The following RNF123 variants were observed in gnomAD, a reference collection of about 807,000 sequenced individuals.
RNF123 encodes the protein E3 ubiquitin-protein ligase RNF123.
In RNF123, 86 loss-of-function variants were observed where a neutral mutation model predicts 168.5. The observed-to-expected ratio is 0.51, with a 90% CI of 0.43 to 0.61. RNF123 has a LOEUF of 0.61. Ranked by LOEUF, RNF123 falls within the 20% of genes least tolerant of loss-of-function variation. RNF123 has a pLI of 0.00. For missense variants in RNF123, 1,419 were observed against 1,729.7 expected, an observed-to-expected ratio of 0.82 and a Z score of 3.19; for synonymous variants, 666 against 689.1, an observed-to-expected ratio of 0.97 and a Z score of 0.52.
Position 49,702,141 on chromosome 3 carries a change from TG to T in RNF123, c.1557+1del. ...KLLLDNKDDN[G>X]GEASRYIFLT... is the part of the protein sequence containing the mutation. Reference sequence around the variant, plus strand: ...TGCTGCTGGACAATAAAGATGACAATGGGGTGAGTGACTCCCAGGAGCCCTG... The same window carrying T: ...TGCTGCTGGACAATAAAGATGACAATGGGTGAGTGACTCCCAGGAGCCCTG... On this transcript the variant is annotated frameshift_variant and splice_region_variant, in exon 18 of 39. Transcript: ENST00000327697. LOFTEE classifies it high-confidence loss of function. 6.2e-7 allele frequency: 1 copy of T among 1,613,770 alleles called. No homozygotes were observed. Among genetic ancestry groups the T allele is most frequent in the Non-Finnish European group, 8.5e-7 (1 of 1,179,848 alleles).
Position 49,705,192 on chromosome 3 carries a change from T to TGGTGGG in RNF123, c.2158+12_2158+17dup, listed in dbSNP as rs1447385760. The TGGTGGG allele has an allele frequency of 1.9e-6, 3 of 1,593,368 alleles. No homozygotes were observed. The African/African-American group carries it at 4.0e-5, about 21-fold the overall frequency. On this transcript the variant is annotated intron_variant, in intron 23 of 38. Transcript: ENST00000327697. ...AGGACCCGTGAGGACAGTAGGTGCT[T>TGGTGGG]GGTGGGGTCAGGCAGGTCCCCGAAG...
At chr3:49,704,039 A>T (rs1168248672) in intron 21 of RNF123, among the ~76,000 whole-genome samples, 2 of 151,952 alleles carry the variant, frequency 1.3e-5, no homozygotes, top group African/African-American at 4.8e-5. Flanking sequence ...AGTCAGGATG[A>T]CCCCAGGCTT....
chr3:49,701,785 G>A (rs1169648872), intron 16 of RNF123, 26 bp from the exon 17 acceptor site: 3 of 1,556,980 alleles, frequency 1.9e-6, no homozygotes, highest in Non-Finnish European at 2.6e-6. Context: ...TGACCCTGCT[G>A]TATTCCACCT....
At chr3:49,715,271 G>C (rs1016163726) in intron 31 of RNF123, among the ~76,000 whole-genome samples, 4 of 152,236 alleles carry the variant, frequency 2.6e-5, no homozygotes, top group African/African-American at 9.6e-5. Context: ...AAGGGTGTGC[G>C]ACCCAGAACT....
At chr3:49,700,118 T>C in intron 12 of RNF123, 109 bp from the exon 13 acceptor site, 1 of 1,493,928 alleles carries the variant, frequency 6.7e-7, no homozygotes, top group East Asian at 2.3e-5. Flanking sequence ...GTTGCTCGAG[T>C]GGCTCAAGGC....
At position 49,699,464 on chromosome 3, in the gene RNF123, G is replaced by T. The variant is rs1403257239; in HGVS notation, c.765-4G>T. 6.3e-7 allele frequency: 1 copy of T among 1,593,324 alleles called. No individual in the cohort carries two copies. On this transcript the variant is annotated splice_polypyrimidine_tract_variant and splice_region_variant and intron_variant, in intron 10 of 38. Transcript: ENST00000327697. The surrounding 1 kb of genome is among the most constrained non-coding windows in gnomAD (Gnocchi z 4.8). The stretch of plus-strand genomic sequence containing the variant: ...ATAAGGCGTTGCTGGCTTAACTCTG[G>T]CACCTACCCAGTGGCAGGCTACCGG...
At chr3:49,700,794 C>A in intron 15 of RNF123, 85 bp downstream of exon 15, 1 of 1,433,664 alleles carries the variant, frequency 7.0e-7, no homozygotes, top group Non-Finnish European at 9.8e-7. Context: ...GTCATCAGGC[C>A]AGGGGTCCCC....
intron 3 of RNF123, among the ~76,000 whole-genome samples, chr3:49,696,432 T>C (rs1357087762): frequency 2.0e-5 from 3 of 149,530 alleles, no homozygotes; most frequent in Non-Finnish European, 4.4e-5. Context: ...CACTGCAACC[T>C]CCGCCTCCCA....
chr3:49,697,944 G>A lies in RNF123; in HGVS notation c.397+5G>A. 6.2e-7 allele frequency: 1 copy of A among 1,614,192 alleles called. No homozygotes were observed. The highest frequency in any genetic ancestry group is 8.5e-7 in the Non-Finnish European group (1 of 1,180,032). On this transcript the variant is annotated splice_donor_5th_base_variant and intron_variant, in intron 6 of 38. Coordinates refer to ENST00000327697, the MANE Select transcript of RNF123 (RefSeq NM_022064.5). ...CTACCACATGCGTGTACAAAGGTGA[G>A]ACCTTACCCTGCTGTGGCCTAGGTA...
At position 49,697,946 on chromosome 3, in the gene RNF123, C is replaced by A. The variant is rs1223951229; in HGVS notation, c.397+7C>A. The A allele has an allele frequency of 1.2e-6, 2 of 1,614,072 alleles. No individual in the cohort carries two copies. The highest frequency in any genetic ancestry group is 1.7e-6 in the Non-Finnish European group (2 of 1,180,034). ...ACCACATGCGTGTACAAAGGTGAGA[C>A]CTTACCCTGCTGTGGCCTAGGTAGT... is the stretch of plus-strand genomic sequence containing the variant. On this transcript the variant is annotated splice_region_variant and intron_variant, in intron 6 of 38. Transcript: ENST00000327697.
rs775291019 is a variant in RNF123, at chr3:49,705,178, G to A, written c.2154G>A (p.Glu718=). ...TGAGCGTGGAGCAGAGGACCCGTGA[G>A]GACAGTAGGTGCTTGGTGGGGTCAG... ...RTLSVEQRTR[E]DIEGSHWNEG... is the part of the protein sequence containing the mutation. Residue 718 remains glutamate (E), a synonymous_variant, in exon 23 of 39, where the codon GAG becomes GAA. Transcript: ENST00000327697. The A allele has an allele frequency of 6.2e-7, 1 of 1,600,752 alleles. No homozygotes were observed. Among genetic ancestry groups the A allele is most frequent in the East Asian group, 2.3e-5 (1 of 44,164 alleles).
intron 26 of RNF123, among the ~76,000 whole-genome samples, chr3:49,709,373 T>C (rs1177104526): frequency 6.6e-6 from 1 of 150,570 alleles, no homozygotes; most frequent in Non-Finnish European, 1.5e-5. Context: ...CTATCTCAGC[T>C]CACTGCAAGC....
chr3:49,709,810 T>C (rs2080107332), intron 26 of RNF123, among the ~76,000 whole-genome samples: 1 of 151,950 alleles, frequency 6.6e-6, no homozygotes, highest in South Asian at 2.1e-4. Flanking sequence ...TGACCTCAGG[T>C]GATCCGCCTG....
chr3:49,718,515 C>T lies in RNF123; in HGVS notation c.3501-1996C>T, dbSNP rs138809316. The T allele has an allele frequency of 6.2e-6, 10 of 1,613,154 alleles. No individual in the cohort carries two copies. In the East Asian group the frequency reaches 8.9e-5, roughly 14 times the overall value. On this transcript the variant is annotated intron_variant, in intron 35 of 38. Transcript: ENST00000327697. ...CGCGGGATCCTGGCGCCCTGAGAAGCTCCTGCTGCGGCGAAACCCAGGCAA... is the reference window on the plus strand; with the variant it reads ...CGCGGGATCCTGGCGCCCTGAGAAGTTCCTGCTGCGGCGAAACCCAGGCAA...
rs375257714 is a variant in RNF123 at position 49,702,390 on chromosome 3, C to T, written c.1614C>T (p.Asn538=). Residue 538 remains asparagine (N), a synonymous_variant, in exon 19 of 39, where the codon AAC becomes AAT. Coordinates refer to ENST00000327697, the MANE Select transcript of RNF123 (RefSeq NM_022064.5). ...LTKFRKFLQE[N]ASGRGNMPML... The stretch of plus-strand genomic sequence containing the variant: ...AGTTTCGCAAGTTTCTGCAGGAGAA[C>T]GCCAGTGGCCGGGGGGTAGGTGTCC... 3.3e-5 allele frequency: 53 copies of T among 1,614,158 alleles called. No individual in the cohort carries two copies. The African/African-American group carries it at 3.7e-4, about 11-fold the overall frequency.
In RNF123 at chr3:49,699,389, CG is replaced by C. The variant is rs2054330186; in HGVS notation, c.765-75del. 3.8e-6 allele frequency: 5 copies of C among 1,300,198 alleles called. No homozygotes were observed. The highest frequency in any genetic ancestry group is 5.4e-6 in the Non-Finnish European group (5 of 927,204). The allele number at this position is 1,300,198 out of a possible 1,614,324, so 80.5% of individuals were successfully genotyped here. On this transcript the variant is annotated intron_variant, in intron 10 of 38. Transcript: ENST00000327697. This position sits in a 1 kb window ranked among gnomAD's most constrained non-coding sequence, Gnocchi z 4.8. The stretch of plus-strand genomic sequence containing the variant: ...CAGCCCTGCCCTAGAGCCCAGGCCC[CG>C]GGGTGGGGGGTGGGCAGTGGAGAGG...
chr3:49,721,013 C>G lies in RNF123; in HGVS notation c.3739-7C>G. On this transcript the variant is annotated splice_polypyrimidine_tract_variant and splice_region_variant and intron_variant, in intron 37 of 38. Coordinates refer to ENST00000327697, the MANE Select transcript of RNF123 (RefSeq NM_022064.5). ...CTCCAGCCCACCCTTCACTCTCCTC[C>G]CTGCAGCCCACCAGTGAGGAGGACC... is the stretch of plus-strand genomic sequence containing the variant. The G allele has an allele frequency of 6.2e-7, 1 of 1,610,366 alleles. No individual in the cohort carries two copies. Among genetic ancestry groups the G allele is most frequent in the African/African-American group, 1.3e-5 (1 of 75,016 alleles).
chr3:49,705,932 G>C (rs762451807), intron 24 of RNF123, 50 bp from the exon 25 acceptor site: 2 of 1,589,364 alleles, frequency 1.3e-6, no homozygotes, highest in Admixed American at 1.7e-5. Flanking sequence ...GAAGAAGCCT[G>C]GATGAAGTGC....
intron 3 of RNF123, among the ~76,000 whole-genome samples, chr3:49,693,300 G>A (rs1216955748): frequency 1.3e-5 from 2 of 148,700 alleles, no homozygotes; most frequent in Admixed American, 6.7e-5. Flanking sequence ...CGCCCACCTC[G>A]GCCTCCCAAA....
Sources: gnomAD v4.1 joint callset for allele counts (sites outside exome capture counted in the v4.1 genomes callset) on GRCh38, gnomAD v4.1.1 for gene constraint, Gnocchi (gnomAD v3.1) non-coding constraint, MANE v1.5 for transcripts, NCBI Gene and HGNC (gene_info 2026-07-23, HGNC 2026-07-21) for gene names.